LEMD3: variants seen among roughly 807,000 people sequenced by gnomAD.
LEMD3 encodes the protein inner nuclear membrane protein Man1.
A neutral mutation model predicts 95.2 loss-of-function variants in LEMD3; 33 were observed. The observed-to-expected ratio is 0.35, with a 90% CI of 0.26 to 0.46. The LOEUF is 0.46. Among genes scored for constraint, LEMD3 ranks in the 20% least tolerant of loss-of-function variants. LEMD3 has a pLI of 1.00. For synonymous variants in LEMD3, 525 were observed against 474.6 expected (o/e 1.11, Z -1.38); for missense variants, 1,210 against 1,192.8 (o/e 1.01, Z -0.21).
intron 4 of LEMD3, among the ~76,000 whole-genome samples, chr12:65,222,242 G>T (rs1369864333): frequency 1.3e-5 from 2 of 152,042 alleles, no homozygotes; most frequent in Non-Finnish European, 2.9e-5. Flanking sequence ...TTCTATTAAT[G>T]TGGCATACTC....
At position 65,170,985 on chromosome 12, in the gene LEMD3, C is replaced by T. The variant is rs1868529740; in HGVS notation, c.1389C>T (p.Ser463=). The change falls in exon 1 of 13, where the codon TCC becomes TCT. Residue 463 remains serine, a synonymous_variant. Transcript: ENST00000308330. ...LLQQFKREEV[S]PTGSFSAHYL... ...AGCAATTTAAACGGGAGGAGGTGTC[C>T]CCAACAGGGAGTTTCAGTGCCCACT... The T allele has an allele frequency of 3.1e-6, 5 of 1,614,190 alleles. No individual in the cohort carries two copies. The East Asian group carries it at 1.1e-4, about 36-fold the overall frequency.
In LEMD3 at chr12:65,169,874, C is replaced by G; in HGVS notation, c.278C>G (p.Pro93Arg). 1 of 1,452,558 alleles carries G rather than the reference C, an allele frequency of 6.9e-7. No homozygotes were observed. Among genetic ancestry groups the G allele is most frequent in the Non-Finnish European group, 9.1e-7 (1 of 1,101,994 alleles). The allele number at this position is 1,452,558 out of a possible 1,614,324, so 90.0% of individuals were successfully genotyped here. ...GCGGCCGCGGGGATGGGGGTCCGGCCGGTCTCGGGCGACCTCTCCTACTTA... is the reference window on the plus strand; with the variant it reads ...GCGGCCGCGGGGATGGGGGTCCGGCGGGTCTCGGGCGACCTCTCCTACTTA... ...AAAAAGMGVR[P>R]VSGDLSYLRT... Residue 93 changes from proline (P) to arginine (R), a missense_variant, in exon 1 of 13, where the codon CCG becomes CGG. Physicochemically the swap from Pro to Arg is moderately radical, Grantham distance 103 (BLOSUM62 -2). Coordinates refer to ENST00000308330, the MANE Select transcript of LEMD3 (RefSeq NM_014319.5).
At chr12:65,237,758 T>A (rs1426167099) in intron 4 of LEMD3, among the ~76,000 whole-genome samples, 4 of 152,174 alleles carry the variant, frequency 2.6e-5, no homozygotes, top group Non-Finnish European at 5.9e-5. Context: ...TTTTCAAAAT[T>A]CTACTTTTTA....
At chr12:65,183,129 G>A (rs1868956735) in intron 1 of LEMD3, among the ~76,000 whole-genome samples, 1 of 152,108 alleles carries the variant, frequency 6.6e-6, no homozygotes, top group Non-Finnish European at 1.5e-5. Flanking sequence ...AGAAATATAA[G>A]CCACACAGTA....
rs768667554 is a variant in LEMD3 at position 65,169,895 on chromosome 12, A to T, written c.299A>T (p.Tyr100Phe). 3.6e-4 allele frequency: 525 copies of T among 1,450,092 alleles called. 1 individual carries two copies. The highest frequency in any genetic ancestry group is 4.5e-4 in the Non-Finnish European group (500 of 1,101,394). The allele number at this position is 1,450,092 out of a possible 1,614,324, so 89.8% of individuals were successfully genotyped here. ...GVRPVSGDLS[Y>F]LRTPGGLCRI... is the part of the protein sequence containing the mutation. Reference sequence around the variant, plus strand: ...CGGCCGGTCTCGGGCGACCTCTCCTACTTACGGACTCCTGGGGGCCTGTGC... The same window carrying T: ...CGGCCGGTCTCGGGCGACCTCTCCTTCTTACGGACTCCTGGGGGCCTGTGC... Residue 100 changes from tyrosine (Y) to phenylalanine (F), a missense_variant, in exon 1 of 13, where the codon TAC becomes TTC. This residue lies in a region of LEMD3 where 749 missense variants were observed against 622.9 expected (regional missense o/e 1.20). Coordinates refer to ENST00000308330, the MANE Select transcript of LEMD3 (RefSeq NM_014319.5).
intron 10 of LEMD3, chr12:65,245,357 T>G: frequency 3.3e-6 from 1 of 300,078 alleles, no homozygotes; most frequent in Non-Finnish European, 6.4e-6. Flanking sequence ...GTCAGGATGG[T>G]CTCGATCTCC....
At chr12:65,193,746 G>GTGTA (rs776698619) in intron 1 of LEMD3, among the ~76,000 whole-genome samples, 8 of 139,776 alleles carry the variant, frequency 5.7e-5, no homozygotes, top group Non-Finnish European at 1.1e-4. Flanking sequence ...GTGTGTGTGT[G>GTGTA]TGTGTGTGTG....
intron 3 of LEMD3, among the ~76,000 whole-genome samples, chr12:65,217,086 C>G (rs1462402393): frequency 6.6e-6 from 1 of 152,104 alleles, no homozygotes; most frequent in Non-Finnish European, 1.5e-5. Flanking sequence ...TGGTTCATGG[C>G]CAGCTAAATC....
chr12:65,183,192 T>G (rs573861869), intron 1 of LEMD3, among the ~76,000 whole-genome samples: 1 of 152,318 alleles, frequency 6.6e-6, no homozygotes, highest in East Asian at 1.9e-4. Context: ...TGATTTTATT[T>G]AATCTGGTAT....
intron 4 of LEMD3, among the ~76,000 whole-genome samples, chr12:65,220,838 T>C (rs1012871742): frequency 3.3e-5 from 5 of 152,154 alleles, no homozygotes; most frequent in African/African-American, 4.8e-5. Flanking sequence ...CATTTCTCCA[T>C]TGTGTAGTCT....
chr12:65,190,180 T>C (rs1395438415), intron 1 of LEMD3, among the ~76,000 whole-genome samples: 1 of 152,196 alleles, frequency 6.6e-6, no homozygotes, highest in Non-Finnish European at 1.5e-5. Context: ...CAGATTTTTA[T>C]TGAACTTATG....
At chr12:65,228,404 T>A (rs1870522415) in intron 4 of LEMD3, among the ~76,000 whole-genome samples, 1 of 105,096 alleles carries the variant, frequency 9.5e-6, no homozygotes, top group Non-Finnish European at 2.4e-5. Flanking sequence ...ATTTATTTAT[T>A]TTTTTTTTTG....
rs777266847 is a variant in LEMD3 at position 65,170,561 on chromosome 12, C to T, written c.965C>T (p.Ala322Val). 6 of 1,613,902 alleles carry T rather than the reference C, an allele frequency of 3.7e-6. No homozygotes were observed. The South Asian group carries it at 5.5e-5, about 15-fold the overall frequency. ...GGGGLAMNDRAAAAGSLDRSR... is the reference protein window; with the variant it reads ...GGGGLAMNDRVAAAGSLDRSR... ...GGAGGACTCGCGATGAATGACAGGG[C>T]GGCGGCTGCCGGGAGTCTAGACAGG... Residue 322 changes from alanine (A) to valine (V), a missense_variant, in exon 1 of 13, where the codon GCG becomes GTG. By Grantham distance (64) the Ala-to-Val change is moderately conservative (BLOSUM62 0). Coordinates refer to ENST00000308330, the MANE Select transcript of LEMD3 (RefSeq NM_014319.5).
At chr12:65,188,098 C>T (rs1231793578) in intron 1 of LEMD3, among the ~76,000 whole-genome samples, 1 of 151,966 alleles carries the variant, frequency 6.6e-6, no homozygotes, top group East Asian at 1.9e-4. Flanking sequence ...TTTTTGAAAT[C>T]AGAGAATAAA....
intron 1 of LEMD3, among the ~76,000 whole-genome samples, chr12:65,190,516 C>G (rs1412962021): frequency 6.6e-6 from 1 of 152,184 alleles, no homozygotes. Flanking sequence ...CATCATAACT[C>G]TTTCAACCAA....
chr12:65,179,670 T>C (rs773341919), intron 1 of LEMD3, among the ~76,000 whole-genome samples: 26 of 152,192 alleles, frequency 1.7e-4, no homozygotes, highest in Non-Finnish European at 2.8e-4. Context: ...CTGGGCTTAA[T>C]ACCTAGGTGA....
chr12:65,211,164 T>C (rs1399125791), intron 2 of LEMD3, among the ~76,000 whole-genome samples: 5 of 152,220 alleles, frequency 3.3e-5, no homozygotes, highest in Non-Finnish European at 7.4e-5. Flanking sequence ...ATTCCCTAAC[T>C]GTCGTATAAT....
chr12:65,171,386 C>T (rs1035190681), intron 1 of LEMD3: 1 of 454,374 alleles, frequency 2.2e-6, no homozygotes, highest in Non-Finnish European at 4.0e-6. Flanking sequence ...TAGTAAAACT[C>T]ATTTGTATAT....
chr12:65,219,490 T>C (rs1224955554), intron 4 of LEMD3, among the ~76,000 whole-genome samples: 3 of 152,364 alleles, frequency 2.0e-5, no homozygotes, highest in South Asian at 2.1e-4. Context: ...CGTTGATCCC[T>C]GGAAGGTGGC....
Sources: allele counts gnomAD v4.1 joint callset (sites outside exome capture counted in the v4.1 genomes callset), GRCh38; gene constraint gnomAD v4.1.1; regional missense constraint gnomAD v4.1.1; transcripts MANE v1.5; gene names NCBI Gene and HGNC (gene_info 2026-07-23, HGNC 2026-07-21).